Variants in DCC observed in about 807,000 individuals in gnomAD.
DCC encodes netrin receptor DCC.
Under a neutral mutation model 172.5 loss-of-function variants are expected in DCC, and 58 were observed. The ratio of observed to expected loss-of-function variants is 0.34; its 90% CI spans 0.27 to 0.42. The LOEUF (loss-of-function observed/expected upper bound fraction) is 0.42, where lower values mean the gene tolerates loss of function less well. DCC is among the 10% of genes least tolerant of loss of function. The pLI, the probability that DCC is intolerant of heterozygous loss-of-function variation, is 1.00. For missense variants in DCC, 1,740 were observed against 1,791.0 expected (o/e 0.97, Z 0.51); for synonymous variants, 709 against 644.5 (o/e 1.10, Z -1.52).
At position 52,599,135 on chromosome 18, in the gene DCC, G is replaced by A. The variant is rs892601402; in HGVS notation, c.92-152919G>A. On this transcript the variant is annotated intron_variant, in intron 1 of 28. Transcript: ENST00000442544. ...AGGTAGCAGGGTGATTAGGGCATTA[G>A]AGGAGAGAAATACTGGAGCCAGGGA... Among the ~76,000 whole-genome samples, 7 of 152,310 alleles carry A rather than the reference G, an allele frequency of 4.6e-5. No homozygotes were observed. The South Asian group carries it at 8.3e-4, about 18-fold the overall frequency.
chr18:53,299,976 TGCAAA>T (rs2057113233), intron 12 of DCC, among the ~76,000 whole-genome samples: 1 of 152,160 alleles, frequency 6.6e-6, no homozygotes, highest in African/African-American at 2.4e-5. Context: ...CTAAAGTAAG[TGCAAA>T]AAATATGTTA....
chr18:52,748,049 T>C (rs1359549478), intron 1 of DCC, among the ~76,000 whole-genome samples: 1 of 152,172 alleles, frequency 6.6e-6, no homozygotes, highest in African/African-American at 2.4e-5. Flanking sequence ...CTACGACCCC[T>C]GATCCCACGC....
At chr18:52,841,420 T>A (rs2038804855) in intron 2 of DCC, among the ~76,000 whole-genome samples, 1 of 150,024 alleles carries the variant, frequency 6.7e-6, no homozygotes, top group African/African-American at 2.5e-5. Context: ...CTTTTTAAAC[T>A]AAAATGTCTC....
Position 52,888,551 on chromosome 18 carries a change from A to G in DCC, c.413-17493A>G, listed in dbSNP as rs533539926. 3.9e-5 allele frequency among the ~76,000 whole-genome samples: 6 copies of G among 152,264 alleles called. No individual in the cohort carries two copies. In the East Asian group the frequency reaches 7.7e-4, roughly 20 times the overall value. ...AGCTTATTTCTAGATCTATGTTCTG[A>G]TTACTTAAAAAAAGTACTGGAAATA... On this transcript the variant is annotated intron_variant, in intron 2 of 28. Transcript: ENST00000442544.
intron 15 of DCC, among the ~76,000 whole-genome samples, chr18:53,385,118 G>GT (rs1175262928): frequency 6.9e-6 from 1 of 144,026 alleles, no homozygotes. Flanking sequence ...TATGTAATTT[G>GT]TTTTTCCTGT....
intron 15 of DCC, among the ~76,000 whole-genome samples, chr18:53,360,224 C>T (rs2057930486): frequency 6.6e-6 from 1 of 151,904 alleles, no homozygotes. Context: ...TACTGTATAT[C>T]TTATATATAC....
At chr18:52,591,484 G>T (rs914201097) in intron 1 of DCC, among the ~76,000 whole-genome samples, 4 of 151,900 alleles carry the variant, frequency 2.6e-5, no homozygotes, top group African/African-American at 9.7e-5. Context: ...ACTTTTAAGT[G>T]TGAGGTCATT....
rs77620274 is a variant in DCC at position 53,202,057 on chromosome 18, C to T, written c.1574-3159C>T. 4.6e-4 allele frequency among the ~76,000 whole-genome samples: 70 copies of T among 152,272 alleles called. 1 individual carries two copies. The East Asian group carries it at 0.011, about 24-fold the overall frequency. On this transcript the variant is annotated intron_variant, in intron 9 of 28. Transcript: ENST00000442544. Reference sequence around the variant, plus strand: ...GTGTGTGCGTATGTATGCATGCACACATGTTTCTTAGCTCTGTTCACCAAA... The same window carrying T: ...GTGTGTGCGTATGTATGCATGCACATATGTTTCTTAGCTCTGTTCACCAAA...
chr18:53,000,754 A>G (rs2041552991), intron 5 of DCC, among the ~76,000 whole-genome samples: 1 of 151,890 alleles, frequency 6.6e-6, no homozygotes, highest in Admixed American at 6.6e-5. Flanking sequence ...AGATAATAAC[A>G]GCTCATGAAA....
At chr18:52,518,567 A>G (rs2031712442) in intron 1 of DCC, among the ~76,000 whole-genome samples, 3 of 152,196 alleles carry the variant, frequency 2.0e-5, no homozygotes, top group African/African-American at 7.2e-5. Flanking sequence ...GGTGTATCTT[A>G]GAAAATAAAA....
intron 1 of DCC, among the ~76,000 whole-genome samples, chr18:52,644,366 C>T (rs1242441467): frequency 6.6e-6 from 1 of 152,102 alleles, no homozygotes; most frequent in East Asian, 1.9e-4. Context: ...ATCATGAGGT[C>T]AGGAGATCGA....
intron 5 of DCC, among the ~76,000 whole-genome samples, chr18:53,029,521 T>TAAA (rs1315338543): frequency 2.6e-5 from 4 of 152,200 alleles, no homozygotes; most frequent in Non-Finnish European, 5.9e-5. Flanking sequence ...AATGCCTGGT[T>TAAA]TGTAGCCTTT....
chr18:52,670,882 C>G (rs1258646747), intron 1 of DCC, among the ~76,000 whole-genome samples: 1 of 152,092 alleles, frequency 6.6e-6, no homozygotes, highest in Non-Finnish European at 1.5e-5. Context: ...AGGCTGTAGA[C>G]TATTTTTCTC....
chr18:53,527,298 AG>A (rs1370859519), intron 28 of DCC, among the ~76,000 whole-genome samples: 1 of 151,796 alleles, frequency 6.6e-6, no homozygotes, highest in East Asian at 1.9e-4. Context: ...AGTGCACTAC[AG>A]CCCTGAACTT....
intron 5 of DCC, among the ~76,000 whole-genome samples, chr18:52,945,429 A>C (rs2040528740): frequency 6.6e-6 from 1 of 152,218 alleles, no homozygotes; most frequent in Admixed American, 6.5e-5. Context: ...TCGTTAGAGG[A>C]AATAAATATG....
At chr18:53,271,388 A>G (rs1231274144) in intron 12 of DCC, among the ~76,000 whole-genome samples, 1 of 152,172 alleles carries the variant, frequency 6.6e-6, no homozygotes, top group African/African-American at 2.4e-5. Context: ...GCCAGTTCCT[A>G]TGAGTCTGGA....
chr18:52,595,281 A>T (rs2144805776), intron 1 of DCC, among the ~76,000 whole-genome samples: 1 of 152,298 alleles, frequency 6.6e-6, no homozygotes, highest in South Asian at 2.1e-4. Context: ...AAGAAGGCTG[A>T]CACCTCCCAT....
intron 11 of DCC, among the ~76,000 whole-genome samples, chr18:53,211,540 G>A (rs140558232): frequency 0.021 from 3,252 of 152,192 alleles, 113 homozygotes; most frequent in African/African-American, 0.073. Flanking sequence ...TGGCTAACAT[G>A]GTGAAACCCA....
intron 2 of DCC, among the ~76,000 whole-genome samples, chr18:52,791,020 C>T (rs62083263): frequency 0.044 from 6,646 of 152,094 alleles, 228 homozygotes; most frequent in South Asian, 0.16. Flanking sequence ...GCTAAGGTGG[C>T]GGAATGGGAA....
Sources: allele counts gnomAD v4.1 joint callset (sites outside exome capture counted in the v4.1 genomes callset), GRCh38; gene constraint gnomAD v4.1.1; transcripts MANE v1.5; gene names NCBI Gene and HGNC (gene_info 2026-07-23, HGNC 2026-07-21).